Variants in CDH4 observed in about 807,000 individuals in gnomAD.
CDH4 encodes the protein cadherin-4.
CDH4 carries 33 observed loss-of-function variants against 86.0 expected under a neutral mutation model. The ratio of observed to expected loss-of-function variants is 0.38; its 90% CI spans 0.29 to 0.51. The LOEUF (loss-of-function observed/expected upper bound fraction) is 0.51. Ranked by LOEUF, CDH4 falls within the 20% of genes least tolerant of loss-of-function variation. CDH4 has a pLI of 0.86. For synonymous variants in CDH4, 555 were observed against 549.4 expected, an observed-to-expected ratio of 1.01 and a Z score of -0.14; for missense variants, 1,114 against 1,307.4, an observed-to-expected ratio of 0.85 and a Z score of 2.28.
chr20:61,918,718 G>A (rs1358400246), intron 9 of CDH4, among the ~76,000 whole-genome samples: 1 of 152,096 alleles, frequency 6.6e-6, no homozygotes, highest in Non-Finnish European at 1.5e-5. Flanking sequence ...TGCAGTGACT[G>A]CGTGTCACCC....
chr20:61,627,555 G>A (rs137954460), intron 2 of CDH4, among the ~76,000 whole-genome samples: 267 of 152,294 alleles, frequency 1.8e-3, no homozygotes, highest in Middle Eastern at 0.017. Flanking sequence ...AGATGTGCCC[G>A]CATGGAGAGC....
At chr20:61,286,169 A>C (rs1026149062) in intron 2 of CDH4, among the ~76,000 whole-genome samples, 2 of 152,210 alleles carry the variant, frequency 1.3e-5, no homozygotes, top group African/African-American at 2.4e-5. Flanking sequence ...TTTTGCACTG[A>C]ACACTGAGAG....
In CDH4 at chr20:61,327,937, TA is replaced by T. The variant is rs564549889; in HGVS notation, c.169+73002del. ...TGAATGGCCATGGAAATTTGGTCAA[TA>T]ACGGATCTTAACGTGAACAAAGCAA... On this transcript the variant is annotated intron_variant, in intron 2 of 15. Coordinates refer to ENST00000614565, the MANE Select transcript of CDH4 (RefSeq NM_001794.5). Among the ~76,000 whole-genome samples the T allele has an allele frequency of 9.8e-5, 15 of 152,288 alleles. No homozygotes were observed. In the East Asian group the frequency reaches 2.9e-3, roughly 29 times the overall value.
At chr20:61,299,541 G>C (rs17204256) in intron 2 of CDH4, among the ~76,000 whole-genome samples, 16,395 of 152,284 alleles carry the variant, frequency 0.11, 940 homozygotes, top group Admixed American at 0.13. Flanking sequence ...TTGGTAACCT[G>C]ACTTCTTAGT....
chr20:61,759,047 G>A (rs1471831959), intron 3 of CDH4, among the ~76,000 whole-genome samples: 2 of 152,186 alleles, frequency 1.3e-5, no homozygotes, highest in African/African-American at 2.4e-5. Context: ...GTTCGCACAT[G>A]GGATGTGTGT....
rs2085840364 is a variant in CDH4, at chr20:61,518,392, T to G, written c.170-225171T>G. On this transcript the variant is annotated intron_variant, in intron 2 of 15. Coordinates refer to ENST00000614565, the MANE Select transcript of CDH4 (RefSeq NM_001794.5). The surrounding 1 kb of genome is among the most constrained non-coding windows in gnomAD (Gnocchi z 6.3). Reference sequence around the variant, plus strand: ...TCAGATAGGCTGGAATTTGGCCAAATTCTCTGTTATGATGAGGCTGTCCAT... The same window carrying G: ...TCAGATAGGCTGGAATTTGGCCAAAGTCTCTGTTATGATGAGGCTGTCCAT... 6.6e-6 allele frequency among the ~76,000 whole-genome samples: 1 copy of G among 152,082 alleles called. No individual in the cohort carries two copies. Among genetic ancestry groups the G allele is most frequent in the African/African-American group, 2.4e-5 (1 of 41,424 alleles).
chr20:61,818,155 A>G (rs35627208), intron 4 of CDH4, among the ~76,000 whole-genome samples: 62,580 of 151,840 alleles, frequency 0.41, 15,743 homozygotes, highest in Non-Finnish European at 0.57. Flanking sequence ...TCAGCCTCCC[A>G]AGTAGCTGGG....
chr20:61,754,267 G>A lies in CDH4; in HGVS notation c.396+10478G>A, dbSNP rs888065745. On this transcript the variant is annotated intron_variant, in intron 3 of 15. Transcript: ENST00000614565. The surrounding 1 kb of genome is among the most constrained non-coding windows in gnomAD (Gnocchi z 4.7). Reference sequence around the variant, plus strand: ...GGACCAGAGCCTTTCAGCCGAGGTGGAGACTCAGATGGCAGAGTGCAGACA... The same window carrying A: ...GGACCAGAGCCTTTCAGCCGAGGTGAAGACTCAGATGGCAGAGTGCAGACA... Among the ~76,000 whole-genome samples, 18 of 152,180 alleles carry A rather than the reference G, an allele frequency of 1.2e-4. No individual in the cohort carries two copies. The highest frequency in any genetic ancestry group is 2.5e-4 in the Non-Finnish European group (17 of 68,014).
chr20:61,880,231 C>T (rs1984218195), intron 7 of CDH4, among the ~76,000 whole-genome samples: 1 of 152,134 alleles, frequency 6.6e-6, no homozygotes, highest in African/African-American at 2.4e-5. Context: ...TCCCAGACAG[C>T]GAGCCTCTCG....
chr20:61,479,447 C>T (rs6121615), intron 2 of CDH4, among the ~76,000 whole-genome samples: 2,151 of 151,674 alleles, frequency 0.014, 54 homozygotes, highest in African/African-American at 0.049. Context: ...TGAGAACATG[C>T]GGTGTTTGGT....
At position 61,844,779 on chromosome 20, in the gene CDH4, T is replaced by C. The variant is rs1224485521; in HGVS notation, c.688T>C (p.Tyr230His). The change falls in exon 5 of 16, where the codon TAC (tyrosine) becomes CAC (histidine). Residue 230 changes from tyrosine (Y) to histidine (H), a missense_variant. Transcript: ENST00000614565. ...FSIDSMSGRM[Y>H]VTRPMDREEH... ...CATTGACTCCATGTCCGGCCGGATG[T>C]ACGTCACAAGGCCCATGGACCGGGA... 6.2e-7 allele frequency: 1 copy of C among 1,613,982 alleles called. No individual in the cohort carries two copies.
chr20:61,360,880 A>G (rs2084779672), intron 2 of CDH4, among the ~76,000 whole-genome samples: 1 of 152,232 alleles, frequency 6.6e-6, no homozygotes, highest in Admixed American at 6.5e-5. Flanking sequence ...CATCCATCAA[A>G]CAAAAAGAAG....
chr20:61,508,545 G>A lies in CDH4; in HGVS notation c.170-235018G>A, dbSNP rs188003188. On this transcript the variant is annotated intron_variant, in intron 2 of 15. Transcript: ENST00000614565. ...GACAGTGGCGGAGCCCACTGTGATG[G>A]GTGACAGACCAGGCTGTGGCAGGGT... Among the ~76,000 whole-genome samples the A allele has an allele frequency of 8.5e-5, 13 of 152,334 alleles. No individual in the cohort carries two copies. In the East Asian group the frequency reaches 2.1e-3, roughly 25 times the overall value.
At chr20:61,781,647 A>C (rs62204657) in intron 4 of CDH4, among the ~76,000 whole-genome samples, 1 of 152,144 alleles carries the variant, frequency 6.6e-6, no homozygotes, top group African/African-American at 2.4e-5. Flanking sequence ...GTGGCCTAAC[A>C]TCTGTGTGAT....
At chr20:61,263,366 CTATT>C (rs1407488182) in intron 2 of CDH4, among the ~76,000 whole-genome samples, 1 of 152,184 alleles carries the variant, frequency 6.6e-6, no homozygotes, top group Non-Finnish European at 1.5e-5. Flanking sequence ...CCAAAAATCC[CTATT>C]TAATTATCTT....
At chr20:61,285,881 G>A (rs2084290544) in intron 2 of CDH4, among the ~76,000 whole-genome samples, 1 of 152,242 alleles carries the variant, frequency 6.6e-6, no homozygotes, top group Non-Finnish European at 1.5e-5. Context: ...GGCTGGGGAT[G>A]GCCGTGGGCA....
intron 2 of CDH4, among the ~76,000 whole-genome samples, chr20:61,430,390 C>T (rs1015618028): frequency 6.6e-6 from 1 of 152,214 alleles, no homozygotes; most frequent in African/African-American, 2.4e-5. Flanking sequence ...AGGCGGCCTT[C>T]TGCCTCCAGG....
In CDH4 at chr20:61,807,180, G is replaced by C. The variant is rs1980183981; in HGVS notation, c.576+33998G>C. 6.6e-6 allele frequency among the ~76,000 whole-genome samples: 1 copy of C among 152,238 alleles called. No homozygotes were observed. Among genetic ancestry groups the C allele is most frequent in the Non-Finnish European group, 1.5e-5 (1 of 68,042 alleles). On this transcript the variant is annotated intron_variant, in intron 4 of 15. Transcript: ENST00000614565. The surrounding 1 kb of genome is among the most constrained non-coding windows in gnomAD (Gnocchi z 4.5). The stretch of plus-strand genomic sequence containing the variant: ...CCGGGAGGGCCTCGGGAGGTGCCTG[G>C]TGGGTCCTGCCAGACAGAGGAGTGG...
chr20:61,419,103 G>A (rs544085844), intron 2 of CDH4, among the ~76,000 whole-genome samples: 1 of 152,254 alleles, frequency 6.6e-6, no homozygotes, highest in African/African-American at 2.4e-5. Flanking sequence ...AACCATGACA[G>A]TGGGTCAGTG....
Sources: allele counts gnomAD v4.1 joint callset (sites outside exome capture counted in the v4.1 genomes callset), GRCh38; gene constraint gnomAD v4.1.1; non-coding constraint Gnocchi (gnomAD v3.1); transcripts MANE v1.5; gene names NCBI Gene and HGNC (gene_info 2026-07-23, HGNC 2026-07-21).